KCNQ5: variants seen among roughly 807,000 people sequenced by gnomAD.
KCNQ5 encodes the protein potassium voltage-gated channel subfamily Q member 5.
Under a neutral mutation model 98.2 loss-of-function variants are expected in KCNQ5, and 30 were observed. That is an observed-to-expected ratio of 0.31 (90% CI 0.23 to 0.41). The LOEUF (loss-of-function observed/expected upper bound fraction) is 0.41. Among genes scored for constraint, KCNQ5 ranks in the 10% least tolerant of loss-of-function variants. The probability of loss-of-function intolerance (pLI) is 1.00; values close to 1 mark genes in which losing one functional copy is unlikely to be tolerated. For synonymous variants in KCNQ5, 458 were observed against 449.4 expected, an observed-to-expected ratio of 1.02 and a Z score of -0.24; for missense variants, 835 against 1,182.5, an observed-to-expected ratio of 0.71 and a Z score of 4.31.
At chr6:72,716,833 G>A (rs180726103) in intron 1 of KCNQ5, among the ~76,000 whole-genome samples, 14 of 152,258 alleles carry the variant, frequency 9.2e-5, no homozygotes, top group South Asian at 2.1e-4. Context: ...ATAAAGTGAC[G>A]TATAAACTTT....
intron 1 of KCNQ5, among the ~76,000 whole-genome samples, chr6:72,911,137 A>T (rs1779926942): frequency 6.6e-6 from 1 of 152,212 alleles, no homozygotes; most frequent in Non-Finnish European, 1.5e-5. Context: ...GTTTTGGAAG[A>T]ATCCTCCTGG....
intron 1 of KCNQ5, among the ~76,000 whole-genome samples, chr6:72,628,946 A>C (rs1412536385): frequency 6.6e-6 from 1 of 152,094 alleles, no homozygotes; most frequent in Non-Finnish European, 1.5e-5. Context: ...AACAGAACAC[A>C]TCACTCCTCC....
intron 1 of KCNQ5, among the ~76,000 whole-genome samples, chr6:72,962,005 C>T (rs899472483): frequency 3.3e-5 from 5 of 151,402 alleles, no homozygotes; most frequent in Non-Finnish European, 5.9e-5. Flanking sequence ...GGTGAAACCC[C>T]GTATCAACAA....
chr6:73,036,416 A>T (rs974441215), intron 2 of KCNQ5, among the ~76,000 whole-genome samples: 2 of 147,508 alleles, frequency 1.4e-5, no homozygotes, highest in African/African-American at 2.5e-5. Flanking sequence ...AAAAAAAGAT[A>T]TCGGACAGTT....
intron 1 of KCNQ5, among the ~76,000 whole-genome samples, chr6:72,937,056 A>G (rs759234280): frequency 4.6e-5 from 7 of 152,238 alleles, no homozygotes; most frequent in Admixed American, 6.5e-5. Context: ...CTAACTTATA[A>G]AAACAACTAT....
At chr6:72,842,989 A>G (rs1776864267) in intron 1 of KCNQ5, among the ~76,000 whole-genome samples, 1 of 152,142 alleles carries the variant, frequency 6.6e-6, no homozygotes, top group South Asian at 2.1e-4. Flanking sequence ...CTTTTTAATT[A>G]GATCCCATTT....
At chr6:72,838,766 C>T (rs1055388461) in intron 1 of KCNQ5, among the ~76,000 whole-genome samples, 13 of 151,022 alleles carry the variant, frequency 8.6e-5, no homozygotes, top group Non-Finnish European at 1.8e-4. Flanking sequence ...CTGGCTAACA[C>T]GGTGAAACCC....
At chr6:72,855,289 A>T (rs1332161155) in intron 1 of KCNQ5, among the ~76,000 whole-genome samples, 2 of 111,740 alleles carry the variant, frequency 1.8e-5, no homozygotes, top group Non-Finnish European at 4.0e-5. Context: ...CCTGGCTAAA[A>T]TTAACTAGAT....
At chr6:72,800,046 T>G (rs531491456) in intron 1 of KCNQ5, among the ~76,000 whole-genome samples, 1 of 152,322 alleles carries the variant, frequency 6.6e-6, no homozygotes, top group Non-Finnish European at 1.5e-5. Context: ...AGTACCTTAT[T>G]GTGTACTTTA....
chr6:72,883,863 G>A (rs1456092859), intron 1 of KCNQ5, among the ~76,000 whole-genome samples: 2 of 152,190 alleles, frequency 1.3e-5, no homozygotes, highest in Non-Finnish European at 2.9e-5. Context: ...TAAGAAGAGT[G>A]AGGTGGTACT....
At chr6:72,670,360 C>T (rs775864994) in intron 1 of KCNQ5, among the ~76,000 whole-genome samples, 17 of 152,192 alleles carry the variant, frequency 1.1e-4, no homozygotes, top group Non-Finnish European at 2.5e-4. Flanking sequence ...CATATTTCTA[C>T]CTATGCTCTC....
In KCNQ5 at chr6:72,995,128, G is replaced by A. The variant is rs547995613; in HGVS notation, c.399-8780G>A. ...TCATGCCTGTAATCCCAGCACTTTG[G>A]GAAGCCAAGGCGAGTGGATCACTTC... On this transcript the variant is annotated intron_variant, in intron 1 of 13. Coordinates refer to ENST00000370398, the MANE Select transcript of KCNQ5 (RefSeq NM_019842.4). Among the ~76,000 whole-genome samples, 33 of 152,222 alleles carry A rather than the reference G, an allele frequency of 2.2e-4. 2 individuals are homozygous for A. The South Asian group carries it at 6.8e-3, about 32-fold the overall frequency.
At chr6:72,994,438 ACCCC>A in intron 1 of KCNQ5, among the ~76,000 whole-genome samples, 1 of 119,774 alleles carries the variant, frequency 8.3e-6, no homozygotes, top group Non-Finnish European at 1.7e-5. Flanking sequence ...TGCGTCCGTC[ACCCC>A]TTTCTTTGAC....
chr6:72,774,208 A>G (rs560440496), intron 1 of KCNQ5, among the ~76,000 whole-genome samples: 16 of 152,144 alleles, frequency 1.1e-4, no homozygotes, highest in Admixed American at 2.6e-4. Flanking sequence ...AATATTAAAT[A>G]TTTCAGGCTT....
intron 10 of KCNQ5, among the ~76,000 whole-genome samples, chr6:73,142,444 G>A (rs897025707): frequency 1.3e-5 from 2 of 150,382 alleles, no homozygotes; most frequent in Non-Finnish European, 3.0e-5. Context: ...AACGACATGG[G>A]TTTATAACTT....
intron 1 of KCNQ5, among the ~76,000 whole-genome samples, chr6:72,713,994 CT>C (rs1769509144): frequency 6.6e-6 from 1 of 152,158 alleles, no homozygotes; most frequent in South Asian, 2.1e-4. Context: ...ATGAGTTTCC[CT>C]TTCCCCTACG....
At chr6:73,137,145 T>A (rs1776507503) in intron 10 of KCNQ5, among the ~76,000 whole-genome samples, 1 of 152,136 alleles carries the variant, frequency 6.6e-6, no homozygotes, top group South Asian at 2.1e-4. Flanking sequence ...TTTTAATAAT[T>A]CCTGACAAAT....
chr6:72,749,295 T>C (rs530437659), intron 1 of KCNQ5, among the ~76,000 whole-genome samples: 1 of 152,104 alleles, frequency 6.6e-6, no homozygotes, highest in African/African-American at 2.4e-5. Context: ...GTTAGAGTGA[T>C]TTTTGGTTTA....
At chr6:72,956,829 T>A (rs960750249) in intron 1 of KCNQ5, among the ~76,000 whole-genome samples, 3 of 151,762 alleles carry the variant, frequency 2.0e-5, no homozygotes, top group Non-Finnish European at 1.5e-5. Context: ...ACTCTGGCTT[T>A]CCCCCCTCCC....
Sources: allele counts gnomAD v4.1 joint callset (sites outside exome capture counted in the v4.1 genomes callset), GRCh38; gene constraint gnomAD v4.1.1; transcripts MANE v1.5; gene names NCBI Gene and HGNC (gene_info 2026-07-23, HGNC 2026-07-21).